CTNNA1: variants seen among roughly 807,000 people sequenced by gnomAD.
The protein encoded by CTNNA1 is catenin alpha-1.
In CTNNA1, 37 loss-of-function variants were observed where a neutral mutation model predicts 98.4. That is an observed-to-expected ratio of 0.38 (90% confidence interval 0.29 to 0.49). The LOEUF (loss-of-function observed/expected upper bound fraction) is 0.49. Among genes scored for constraint, CTNNA1 ranks in the 20% least tolerant of loss-of-function variants. The pLI, the probability that CTNNA1 is intolerant of heterozygous loss-of-function variation, is 0.95. For synonymous variants in CTNNA1, 404 were observed against 413.2 expected (o/e 0.98, Z 0.27); for missense variants, 761 against 1,147.2 (o/e 0.66, Z 4.86).
intron 1 of CTNNA1, among the ~76,000 whole-genome samples, chr5:138,778,138 C>T (rs758534862): frequency 1.6e-4 from 23 of 146,098 alleles, no homozygotes; most frequent in Non-Finnish European, 2.7e-4. Context: ...GGACTACAGG[C>T]GACCGCCACC....
intron 7 of CTNNA1, chr5:138,872,811 T>G: frequency 4.3e-6 from 2 of 466,806 alleles, no homozygotes; most frequent in South Asian, 9.6e-5. Context: ...CAAATTAATG[T>G]GAGCATTGAT....
chr5:138,852,851 C>T (rs930482397), intron 7 of CTNNA1, among the ~76,000 whole-genome samples: 2 of 24,118 alleles, frequency 8.3e-5, no homozygotes, highest in Non-Finnish European at 1.9e-4. Flanking sequence ...TGCTTCCCTT[C>T]CCTCTTTTCG....
chr5:138,795,632 T>G (rs1047147813), intron 3 of CTNNA1, among the ~76,000 whole-genome samples: 6 of 152,162 alleles, frequency 3.9e-5, no homozygotes, highest in Non-Finnish European at 8.8e-5. Flanking sequence ...TTTTGGGCAT[T>G]CATTAAATCC....
chr5:138,863,207 A>G (rs1764442035), intron 7 of CTNNA1, among the ~76,000 whole-genome samples: 1 of 151,732 alleles, frequency 6.6e-6, no homozygotes, highest in Non-Finnish European at 1.5e-5. Context: ...GTTCAGGCTA[A>G]TGATTGCTTC....
intron 1 of CTNNA1, among the ~76,000 whole-genome samples, chr5:138,772,465 A>G (rs1753653851): frequency 6.6e-6 from 1 of 152,220 alleles, no homozygotes; most frequent in South Asian, 2.1e-4. Context: ...TTATTTGTTT[A>G]GTTACTCTGA....
At chr5:138,841,889 G>A (rs911972219) in intron 7 of CTNNA1, among the ~76,000 whole-genome samples, 3 of 152,114 alleles carry the variant, frequency 2.0e-5, no homozygotes, top group Non-Finnish European at 2.9e-5. Context: ...AGGGCTAACC[G>A]TCCTTTAAAT....
At chr5:138,771,021 A>G (rs1238951954) in intron 1 of CTNNA1, among the ~76,000 whole-genome samples, 2 of 151,566 alleles carry the variant, frequency 1.3e-5, no homozygotes, top group East Asian at 3.9e-4. Flanking sequence ...ACTTAATTCC[A>G]TTGCCATTAC....
chr5:138,849,480 A>C (rs1483285925), intron 7 of CTNNA1, among the ~76,000 whole-genome samples: 1 of 152,218 alleles, frequency 6.6e-6, no homozygotes, highest in Non-Finnish European at 1.5e-5. Context: ...GAGGTCTAGA[A>C]GTTCTCTTTC....
chr5:138,788,924 A>G (rs1363734968), intron 3 of CTNNA1, among the ~76,000 whole-genome samples: 3 of 152,200 alleles, frequency 2.0e-5, no homozygotes, highest in Non-Finnish European at 4.4e-5. Context: ...CTTCTTCCCT[A>G]TAGCTCATGG....
chr5:138,911,303 A>G (rs1210538355), intron 10 of CTNNA1, among the ~76,000 whole-genome samples: 1 of 152,174 alleles, frequency 6.6e-6, no homozygotes, highest in Non-Finnish European at 1.5e-5. Flanking sequence ...CTCTTTAGGA[A>G]ATTGCAGTAC....
At chr5:138,916,177 CAAA>C (rs56935188) in intron 10 of CTNNA1, among the ~76,000 whole-genome samples, 5 of 115,120 alleles carry the variant, frequency 4.3e-5, no homozygotes, top group African/African-American at 1.1e-4. Context: ...TTAGTGGTTG[CAAA>C]AAAAAAAAAA....
chr5:138,787,712 C>T (rs547841420), intron 3 of CTNNA1, among the ~76,000 whole-genome samples: 103 of 152,210 alleles, frequency 6.8e-4, no homozygotes, highest in Non-Finnish European at 1.3e-3. Context: ...CATTGCTTCC[C>T]GTGCAATCAT....
At chr5:138,800,105 C>T (rs1470364335) in intron 3 of CTNNA1, among the ~76,000 whole-genome samples, 1 of 152,082 alleles carries the variant, frequency 6.6e-6, no homozygotes, top group East Asian at 1.9e-4. Context: ...CCATGTTGGC[C>T]AGGCTGGTTT....
chr5:138,783,468 G>A (rs1422532722), intron 3 of CTNNA1, 96 bp downstream of exon 3: 15 of 1,010,668 alleles, frequency 1.5e-5, no homozygotes, highest in Non-Finnish European at 2.1e-5. Context: ...TCATTCTTAT[G>A]CTTGCCAATT....
At chr5:138,837,614 CT>C (rs1020941530) in intron 7 of CTNNA1, among the ~76,000 whole-genome samples, 4 of 147,760 alleles carry the variant, frequency 2.7e-5, no homozygotes, top group Admixed American at 6.8e-5. Context: ...CCTCTCTCCT[CT>C]TTTTGGTTTT....
chr5:138,889,236 G>A (rs945385732), intron 9 of CTNNA1, among the ~76,000 whole-genome samples: 6 of 152,190 alleles, frequency 3.9e-5, no homozygotes, highest in African/African-American at 1.4e-4. Context: ...GCTGAGTGTG[G>A]CAGCTGAAGA....
intron 8 of CTNNA1, among the ~76,000 whole-genome samples, chr5:138,886,737 T>A (rs981865373): frequency 2.0e-5 from 3 of 152,152 alleles, no homozygotes; most frequent in African/African-American, 7.2e-5. Context: ...TATAGAGATA[T>A]TTGAGGTGCT....
intron 9 of CTNNA1, among the ~76,000 whole-genome samples, chr5:138,890,839 C>G (rs1561664151): frequency 6.6e-6 from 1 of 152,200 alleles, no homozygotes; most frequent in Non-Finnish European, 1.5e-5. Context: ...GAATAACATT[C>G]TTCCATTACT....
Position 138,911,376 on chromosome 5 carries a change from C to T in CTNNA1, c.1390-6366C>T, listed in dbSNP as rs184992676. ...TTCCCTAAGCCCAGGAATGTATCACCTCACATGGCAAAGGGGACTCTGCAG... is the reference window on the plus strand; with the variant it reads ...TTCCCTAAGCCCAGGAATGTATCACTTCACATGGCAAAGGGGACTCTGCAG... On this transcript the variant is annotated intron_variant, in intron 10 of 17. Coordinates refer to ENST00000302763, the MANE Select transcript of CTNNA1 (RefSeq NM_001903.5). Among the ~76,000 whole-genome samples the T allele has an allele frequency of 4.2e-3, 643 of 152,268 alleles. 10 individuals carry two copies. Among genetic ancestry groups the T allele is most frequent in the African/African-American group, 0.01 (435 of 41,546 alleles).
Sources: allele counts gnomAD v4.1 joint callset (sites outside exome capture counted in the v4.1 genomes callset), GRCh38; gene constraint gnomAD v4.1.1; transcripts MANE v1.5; gene names NCBI Gene and HGNC (gene_info 2026-07-23, HGNC 2026-07-21).